Variants in APC observed in about 807,000 individuals in gnomAD.
The protein encoded by APC is adenomatous polyposis coli protein.
A neutral mutation model predicts 247.0 loss-of-function variants in APC; 72 were observed. The observed-to-expected ratio is 0.29, with a 90% CI of 0.24 to 0.35. The LOEUF (loss-of-function observed/expected upper bound fraction) is 0.35, where lower values mean the gene tolerates loss of function less well. Among genes scored for constraint, APC ranks in the 10% least tolerant of loss-of-function variants. APC has a pLI of 1.00. For synonymous variants in APC, 1,254 were observed against 1,162.5 expected, an observed-to-expected ratio of 1.08 and a Z score of -1.60; for missense variants, 3,400 against 3,360.7, an observed-to-expected ratio of 1.01 and a Z score of -0.29.
chr5:112,778,664 A>G (rs1180668349), intron 5 of APC, among the ~76,000 whole-genome samples: 2 of 137,138 alleles, frequency 1.5e-5, no homozygotes, highest in Non-Finnish European at 1.6e-5. Flanking sequence ...CTCCTGCCTC[A>G]GCCTCCCAAG....
At chr5:112,749,021 T>A (rs576020829) in intron 1 of APC, among the ~76,000 whole-genome samples, 5 of 152,146 alleles carry the variant, frequency 3.3e-5, no homozygotes, top group Non-Finnish European at 1.5e-5. Flanking sequence ...ACAGTTTCCC[T>A]CCTATTTCCA....
chr5:112,745,684 C>A (rs1271536914), intron 1 of APC, among the ~76,000 whole-genome samples: 2 of 151,986 alleles, frequency 1.3e-5, no homozygotes, highest in South Asian at 2.1e-4. Flanking sequence ...GCGACCCCCC[C>A]ACCCCACACC....
rs1766872652 is a variant in APC at position 112,845,106 on chromosome 5, T to G, written c.*980T>G. 1 of 232,352 alleles carries G rather than the reference T, an allele frequency of 4.3e-6. No homozygotes were observed. Among genetic ancestry groups the G allele is most frequent in the African/African-American group, 2.2e-5 (1 of 45,298 alleles). 14.4% of individuals were successfully genotyped at this position (232,352 alleles called of 1,614,324 possible). ...CAGCTTCTATGCATTAAGAGTAAAA[T>G]TCCTCTTACTGTAATAAAAACAATT... is the stretch of plus-strand genomic sequence containing the variant. On this transcript the variant is annotated 3_prime_UTR_variant, in exon 16 of 16. Coordinates refer to ENST00000257430, the MANE Select transcript of APC (RefSeq NM_000038.6).
intron 1 of APC, among the ~76,000 whole-genome samples, chr5:112,720,019 G>A (rs543303708): frequency 4.6e-5 from 7 of 152,326 alleles, no homozygotes; most frequent in African/African-American, 1.4e-4. Context: ...GATTAAATCT[G>A]TTGAATATGG....
chr5:112,825,274 A>G (rs763255395), intron 11 of APC, among the ~76,000 whole-genome samples: 4 of 152,166 alleles, frequency 2.6e-5, no homozygotes, highest in Non-Finnish European at 5.9e-5. Context: ...CTCCTGTTCT[A>G]CAATACTTTG....
intron 2 of APC, among the ~76,000 whole-genome samples, chr5:112,763,266 T>C (rs1755870692): frequency 6.6e-6 from 1 of 151,912 alleles, no homozygotes; most frequent in Non-Finnish European, 1.5e-5. Context: ...TTAAATCCCA[T>C]CACCAGAGGT....
chr5:112,755,188 A>G (rs1452986575), intron 2 of APC, 163 bp downstream of exon 2: 4 of 578,242 alleles, frequency 6.9e-6, no homozygotes, highest in African/African-American at 2.0e-5. Context: ...TAAATAAGAT[A>G]TATTGAATTC....
At chr5:112,793,650 A>G (rs1265689715) in intron 7 of APC, among the ~76,000 whole-genome samples, 1 of 152,224 alleles carries the variant, frequency 6.6e-6, no homozygotes, top group Non-Finnish European at 1.5e-5. Flanking sequence ...ACCAGACAGT[A>G]TAGATCATTC....
chr5:112,781,915 A>G (rs1415095040), intron 6 of APC, among the ~76,000 whole-genome samples: 1 of 152,094 alleles, frequency 6.6e-6, no homozygotes, highest in Non-Finnish European at 1.5e-5. Context: ...CACCATGCCC[A>G]GCTAGTTTTT....
rs1554087570 is a variant in APC at position 112,842,205 on chromosome 5, G to A, written c.6611G>A (p.Arg2204Gln). 1.2e-6 allele frequency: 2 copies of A among 1,613,326 alleles called. No homozygotes were observed. The highest frequency in any genetic ancestry group is 1.3e-5 in the African/African-American group (1 of 75,012). The change falls in exon 16 of 16, where the codon CGA (arginine) becomes CAA (glutamine). Residue 2204 changes from arginine to glutamine, a missense_variant. Physicochemically the swap from Arg to Gln is conservative, Grantham distance 43. Around this residue, in one of 9 missense-constraint regions of APC, gnomAD observed 1,788 missense variants for 1,649.5 expected, o/e 1.08. Coordinates refer to ENST00000257430, the MANE Select transcript of APC (RefSeq NM_000038.6). ...VYKSLITGKV[R>Q]SNSEISGQMK... Reference sequence around the variant, plus strand: ...AAAAGTTTGATTACTGGAAAAGTTCGATCTAATTCAGAAATTTCAGGCCAA... The same window carrying A: ...AAAAGTTTGATTACTGGAAAAGTTCAATCTAATTCAGAAATTTCAGGCCAA...
chr5:112,808,717 G>T (rs983011945), intron 8 of APC, among the ~76,000 whole-genome samples: 1 of 151,782 alleles, frequency 6.6e-6, no homozygotes, highest in Non-Finnish European at 1.5e-5. Flanking sequence ...GCTTCCAAAT[G>T]TTTTTTTTAT....
chr5:112,725,334 A>G (rs1304608041), intron 1 of APC, among the ~76,000 whole-genome samples: 4 of 152,196 alleles, frequency 2.6e-5, no homozygotes, highest in Non-Finnish European at 5.9e-5. Context: ...GGCAGTTGTT[A>G]AAGATTTAAA....
rs146283281 is a variant in APC at position 112,803,261 on chromosome 5, C to T, written c.834+1878C>T. ...AATGTGCCTGTTGTGAAGCTCATCACTACAACATCTAAGATTTTTTGCTAA... is the reference window on the plus strand; with the variant it reads ...AATGTGCCTGTTGTGAAGCTCATCATTACAACATCTAAGATTTTTTGCTAA... On this transcript the variant is annotated intron_variant, in intron 8 of 15. Coordinates refer to ENST00000257430, the MANE Select transcript of APC (RefSeq NM_000038.6). Among the ~76,000 whole-genome samples, 551 of 152,220 alleles carry T rather than the reference C, an allele frequency of 3.6e-3. 2 individuals are homozygous for T. The highest frequency in any genetic ancestry group is 5.9e-3 in the Non-Finnish European group (400 of 67,994).
chr5:112,712,888 G>A (rs1263488494), intron 1 of APC, among the ~76,000 whole-genome samples: 1 of 152,058 alleles, frequency 6.6e-6, no homozygotes, highest in African/African-American at 2.4e-5. Context: ...ACAGTATCTC[G>A]GGCTAGGCGC....
intron 1 of APC, among the ~76,000 whole-genome samples, chr5:112,751,876 G>A (rs1754417591): frequency 6.6e-6 from 1 of 151,890 alleles, no homozygotes; most frequent in South Asian, 2.1e-4. Context: ...TGGCCTTGGG[G>A]TTGATAGATC....
At chr5:112,780,745 C>T (rs371435392) in intron 5 of APC, 45 bp from the exon 6 acceptor site, 36 of 1,381,726 alleles carry the variant, frequency 2.6e-5, no homozygotes, top group African/African-American at 1.6e-4. Flanking sequence ...TACTGATTAA[C>T]GTAAATACAA....
chr5:112,815,649 T>TG, intron 9 of APC, 56 bp downstream of exon 9: 3 of 1,431,302 alleles, frequency 2.1e-6, no homozygotes, highest in Non-Finnish European at 2.9e-6. Flanking sequence ...TGCTAAGACA[T>TG]TCTTGGCCAG....
At chr5:112,728,293 A>G (rs988593523) in intron 1 of APC, among the ~76,000 whole-genome samples, 2 of 151,648 alleles carry the variant, frequency 1.3e-5, no homozygotes, top group Admixed American at 6.6e-5. Flanking sequence ...ATGCCTGCCT[A>G]TTGTTTTTTT....
In APC at chr5:112,829,178, G is replaced by A. The variant is rs1295797655; in HGVS notation, c.1743+206G>A. ...TTTTGAGATGGGGTCTCTTTCTCTC[G>A]CCCAGGCTGGAGTGCAGTGGTCTGA... is the stretch of plus-strand genomic sequence containing the variant. On this transcript the variant is annotated intron_variant, in intron 14 of 15. Coordinates refer to ENST00000257430, the MANE Select transcript of APC (RefSeq NM_000038.6). 7.3e-5 allele frequency: 33 copies of A among 452,232 alleles called. 1 individual carries two copies. Among genetic ancestry groups the A allele is most frequent in the South Asian group, 6.1e-4 (29 of 47,340 alleles). The allele number at this position is 452,232 out of a possible 1,614,324, so 28.0% of individuals were successfully genotyped here.
Sources: allele counts gnomAD v4.1 joint callset (sites outside exome capture counted in the v4.1 genomes callset), GRCh38; gene constraint gnomAD v4.1.1; regional missense constraint gnomAD v4.1.1; transcripts MANE v1.5; gene names NCBI Gene and HGNC (gene_info 2026-07-23, HGNC 2026-07-21).